The following GRID1 variants were observed in gnomAD, a reference collection of about 807,000 sequenced individuals.
GRID1 encodes glutamate receptor ionotropic, delta-1.
In GRID1, 28 loss-of-function variants were observed where a neutral mutation model predicts 98.0. That is an observed-to-expected ratio of 0.29 (90% CI 0.21 to 0.39). The LOEUF (loss-of-function observed/expected upper bound fraction) is 0.39. Among genes scored for constraint, GRID1 ranks in the 10% least tolerant of loss-of-function variants. GRID1 has a pLI of 1.00. For synonymous variants in GRID1, 553 were observed against 538.5 expected (o/e 1.03, Z -0.37); for missense variants, 1,111 against 1,340.5 (o/e 0.83, Z 2.67).
intron 2 of GRID1, among the ~76,000 whole-genome samples, chr10:86,218,768 T>C (rs557078150): frequency 6.6e-6 from 1 of 152,314 alleles, no homozygotes; most frequent in South Asian, 2.1e-4. Flanking sequence ...CACTTTCTGC[T>C]TTATATGTGA....
chr10:85,992,020 AG>A (rs1268520477), intron 4 of GRID1, among the ~76,000 whole-genome samples: 3 of 152,158 alleles, frequency 2.0e-5, no homozygotes, highest in Admixed American at 2.0e-4. Context: ...GATTCAGGGC[AG>A]GGGGCAAGTG....
chr10:85,796,186 C>T (rs1842524509), intron 8 of GRID1, among the ~76,000 whole-genome samples: 1 of 152,128 alleles, frequency 6.6e-6, no homozygotes, highest in Non-Finnish European at 1.5e-5. Context: ...TCTGGGAAAA[C>T]TAATGCACAA....
chr10:86,264,619 G>A (rs1197788583), intron 2 of GRID1: 3 of 458,848 alleles, frequency 6.5e-6, no homozygotes, highest in South Asian at 1.6e-5. Context: ...GATGCCCCAC[G>A]CTGACTGTGG....
intron 13 of GRID1, among the ~76,000 whole-genome samples, chr10:85,637,100 C>CT (rs1000732868): frequency 2.0e-5 from 3 of 151,936 alleles, no homozygotes; most frequent in Non-Finnish European, 4.4e-5. Context: ...TCAGAAAAAT[C>CT]TTTTTTATAA....
chr10:85,879,915 C>T (rs996524089), intron 5 of GRID1, among the ~76,000 whole-genome samples: 138 of 151,914 alleles, frequency 9.1e-4, no homozygotes, highest in South Asian at 4.2e-3. Flanking sequence ...ATCAAATAGA[C>T]GCAATAAAAA....
At chr10:85,629,161 A>G (rs1416993004) in intron 13 of GRID1, among the ~76,000 whole-genome samples, 1 of 152,202 alleles carries the variant, frequency 6.6e-6, no homozygotes, top group Non-Finnish European at 1.5e-5. Context: ...CAGTGGATAG[A>G]GAGAATGAGA....
chr10:86,331,191 C>A (rs1055144951), intron 2 of GRID1, among the ~76,000 whole-genome samples: 1 of 152,230 alleles, frequency 6.6e-6, no homozygotes, highest in Non-Finnish European at 1.5e-5. Flanking sequence ...CACCTTTCCC[C>A]CATCCCTCAC....
chr10:85,679,541 C>T (rs564578459), intron 12 of GRID1, among the ~76,000 whole-genome samples: 1 of 152,144 alleles, frequency 6.6e-6, no homozygotes, highest in Non-Finnish European at 1.5e-5. Context: ...TTGACACTTG[C>T]AGGACAGATA....
At position 86,273,544 on chromosome 10, in the gene GRID1, T is replaced by C. The variant is rs543561839; in HGVS notation, c.236-66896A>G. ...AGTCCCACCAACAGTGTAAAAGTGT[T>C]CCTATTTCTCCACATCCTCTCCAGC... On this transcript the variant is annotated intron_variant, in intron 2 of 15. Transcript: ENST00000327946. Among the ~76,000 whole-genome samples, 756 of 150,610 alleles carry C rather than the reference T, an allele frequency of 5.0e-3. 7 individuals carry two copies. The highest frequency in any genetic ancestry group is 0.018 in the African/African-American group (722 of 41,224).
intron 12 of GRID1, among the ~76,000 whole-genome samples, chr10:85,663,144 T>C (rs1023356072): frequency 1.3e-5 from 2 of 152,172 alleles, no homozygotes. Flanking sequence ...AAAGTAAATA[T>C]GTGGCATCCT....
chr10:86,080,069 C>T (rs1374641755), intron 4 of GRID1, among the ~76,000 whole-genome samples: 3 of 152,088 alleles, frequency 2.0e-5, no homozygotes, highest in African/African-American at 7.2e-5. Context: ...CACGGTGGCT[C>T]ACGCCTGTAA....
At chr10:85,799,140 C>G (rs751078003) in intron 8 of GRID1, among the ~76,000 whole-genome samples, 3 of 152,050 alleles carry the variant, frequency 2.0e-5, no homozygotes, top group Non-Finnish European at 4.4e-5. Flanking sequence ...TTTATGAAAA[C>G]CAGTTGGCTG....
chr10:86,294,699 A>G (rs1157376086), intron 2 of GRID1, among the ~76,000 whole-genome samples: 2 of 152,218 alleles, frequency 1.3e-5, no homozygotes, highest in Non-Finnish European at 2.9e-5. Flanking sequence ...AGCAGTGGAC[A>G]GAGAATCCAG....
At chr10:85,628,736 G>C (rs559440443) in intron 13 of GRID1, among the ~76,000 whole-genome samples, 2 of 152,292 alleles carry the variant, frequency 1.3e-5, no homozygotes, top group South Asian at 2.1e-4. Context: ...GCTCAGTCGG[G>C]GGACAAGAGA....
At chr10:85,689,175 T>C (rs985583475) in intron 12 of GRID1, among the ~76,000 whole-genome samples, 2 of 152,178 alleles carry the variant, frequency 1.3e-5, no homozygotes, top group Admixed American at 6.5e-5. Context: ...CACACCATCA[T>C]TCAAAAAATT....
At chr10:85,920,028 T>A (rs1278104782) in intron 4 of GRID1, among the ~76,000 whole-genome samples, 4 of 152,004 alleles carry the variant, frequency 2.6e-5, no homozygotes, top group African/African-American at 7.3e-5. Context: ...GGGCCCAGAG[T>A]GCCACGAAAA....
chr10:86,207,344 G>T (rs1043318314), intron 2 of GRID1, among the ~76,000 whole-genome samples: 1 of 152,064 alleles, frequency 6.6e-6, no homozygotes, highest in Admixed American at 6.6e-5. Flanking sequence ...AAAGAAAGAC[G>T]TTCCCGCCAC....
chr10:85,834,564 T>C (rs1272356095), intron 8 of GRID1, among the ~76,000 whole-genome samples: 1 of 152,226 alleles, frequency 6.6e-6, no homozygotes, highest in Non-Finnish European at 1.5e-5. Context: ...CTGAGTTTTA[T>C]AAATTTATTT....
chr10:86,195,719 CATA>C lies in GRID1; in HGVS notation c.520+10642_520+10644del, dbSNP rs1845862862. Among the ~76,000 whole-genome samples, 1 of 152,102 alleles carries C rather than the reference CATA, an allele frequency of 6.6e-6. No homozygotes were observed. The highest frequency in any genetic ancestry group is 1.5e-5 in the Non-Finnish European group (1 of 67,984). On this transcript the variant is annotated intron_variant, in intron 3 of 15. Coordinates refer to ENST00000327946, the MANE Select transcript of GRID1 (RefSeq NM_017551.3). The surrounding 1 kb of genome is among the most constrained non-coding windows in gnomAD (Gnocchi z 4.4). Reference sequence around the variant, plus strand: ...GGGTACGTGAAGGGCTGAGAGGAGACATAATGTTACCCACATGGCTGTGTCTGG... The same window carrying C: ...GGGTACGTGAAGGGCTGAGAGGAGACATGTTACCCACATGGCTGTGTCTGG...
Sources: gnomAD v4.1 joint callset for allele counts (sites outside exome capture counted in the v4.1 genomes callset) on GRCh38, gnomAD v4.1.1 for gene constraint, Gnocchi (gnomAD v3.1) non-coding constraint, MANE v1.5 for transcripts, NCBI Gene and HGNC (gene_info 2026-07-23, HGNC 2026-07-21) for gene names.